Variants in UVRAG observed in about 807,000 individuals in gnomAD.
The protein encoded by UVRAG is UV radiation resistance-associated gene protein.
UVRAG carries 19 observed loss-of-function variants against 78.0 expected under a neutral mutation model. That is an observed-to-expected ratio of 0.24 (90% CI 0.17 to 0.36). The LOEUF (loss-of-function observed/expected upper bound fraction) is 0.36, where lower values mean the gene tolerates loss of function less well. UVRAG is among the 10% of genes least tolerant of loss of function. The pLI, the probability that UVRAG is intolerant of heterozygous loss-of-function variation, is 1.00. For missense variants in UVRAG, 740 were observed against 853.8 expected (o/e 0.87, Z 1.66); for synonymous variants, 323 against 324.6 (o/e 1.00, Z 0.05).
At chr11:75,983,566 TTTC>T (rs757392953) in intron 8 of UVRAG, 53 bp downstream of exon 8, 56 of 1,492,460 alleles carry the variant, frequency 3.8e-5, no homozygotes, top group South Asian at 3.5e-4. Context: ...GTAGTTCTCC[TTTC>T]TTCTTCTTCA....
intron 7 of UVRAG, among the ~76,000 whole-genome samples, chr11:75,967,215 G>A (rs1949040173): frequency 6.6e-6 from 1 of 152,112 alleles, no homozygotes; most frequent in Non-Finnish European, 1.5e-5. Flanking sequence ...TCTATGAGAG[G>A]ACCAGTTTGT....
rs560206437 is a variant in UVRAG at position 75,955,533 on chromosome 11, AAAATTCACACACAGTG to A, written c.594-5906_594-5891del. 5.8e-4 allele frequency among the ~76,000 whole-genome samples: 88 copies of A among 152,312 alleles called. No individual in the cohort carries two copies. The East Asian group carries it at 0.011, about 19-fold the overall frequency. On this transcript the variant is annotated intron_variant, in intron 6 of 14. Coordinates refer to ENST00000356136, the MANE Select transcript of UVRAG (RefSeq NM_003369.4). ...ATGACCACCTTTTAAAAACCGAGGTAAAATTCACACACAGTGAAATGCACAGATCTTAAGTGTAAAA... is the reference window on the plus strand; with the variant it reads ...ATGACCACCTTTTAAAAACCGAGGTAAAATGCACAGATCTTAAGTGTAAAA...
At chr11:75,964,478 A>G (rs1413390343) in intron 7 of UVRAG, among the ~76,000 whole-genome samples, 3 of 152,176 alleles carry the variant, frequency 2.0e-5, no homozygotes, top group Non-Finnish European at 4.4e-5. Context: ...TGTCCATTTC[A>G]TTTAGGAGGT....
At chr11:75,921,612 C>T (rs1162730723) in intron 6 of UVRAG, among the ~76,000 whole-genome samples, 1 of 151,778 alleles carries the variant, frequency 6.6e-6, no homozygotes, top group African/African-American at 2.4e-5. Context: ...TACCTTGCTT[C>T]TATAGATATT....
intron 6 of UVRAG, among the ~76,000 whole-genome samples, chr11:75,933,249 C>T (rs1948281921): frequency 6.6e-6 from 1 of 152,114 alleles, no homozygotes; most frequent in Admixed American, 6.6e-5. Context: ...TAAGAACATA[C>T]ATTGGAGAAA....
intron 6 of UVRAG, among the ~76,000 whole-genome samples, chr11:75,913,025 G>T (rs942539783): frequency 3.3e-5 from 5 of 152,320 alleles, no homozygotes; most frequent in Non-Finnish European, 2.9e-5. Context: ...GAACACACAG[G>T]ATTTAGAAAT....
chr11:76,079,628 C>T (rs1430703404), intron 13 of UVRAG, among the ~76,000 whole-genome samples: 1 of 152,122 alleles, frequency 6.6e-6, no homozygotes, highest in East Asian at 1.9e-4. Flanking sequence ...ACTTATAAAA[C>T]TAATGATAAT....
intron 1 of UVRAG, among the ~76,000 whole-genome samples, chr11:75,839,852 C>CAT (rs547913913): frequency 3.3e-5 from 5 of 149,952 alleles, no homozygotes; most frequent in South Asian, 2.1e-4. Context: ...CACCCCCACA[C>CAT]ATATATATAT....
chr11:76,062,394 T>C (rs960939790), intron 12 of UVRAG, among the ~76,000 whole-genome samples: 78 of 152,240 alleles, frequency 5.1e-4, no homozygotes, highest in Admixed American at 2.3e-3. Context: ...TCTACTTGGC[T>C]GCCTGTAACC....
intron 11 of UVRAG, chr11:76,013,102 G>A (rs1287808924): frequency 6.6e-6 from 1 of 152,034 alleles, no homozygotes; most frequent in East Asian, 1.9e-4. Flanking sequence ...AAGGCAGGAT[G>A]GTAAGAGCTT....
At position 76,028,160 on chromosome 11, in the gene UVRAG, A is replaced by G. The variant is rs148736278; in HGVS notation, c.1226+11180A>G. On this transcript the variant is annotated intron_variant, in intron 12 of 14. Coordinates refer to ENST00000356136, the MANE Select transcript of UVRAG (RefSeq NM_003369.4). Reference sequence around the variant, plus strand: ...TATCTATTGTGGTGACCTATAATCAATGATCTTTCATGTTATTGTTGTAAT... The same window carrying G: ...TATCTATTGTGGTGACCTATAATCAGTGATCTTTCATGTTATTGTTGTAAT... Among the ~76,000 whole-genome samples the G allele has an allele frequency of 5.3e-4, 80 of 152,256 alleles. 1 individual carries two copies. The East Asian group carries it at 0.013, about 24-fold the overall frequency.
At chr11:75,996,693 A>G (rs903613152) in intron 8 of UVRAG, among the ~76,000 whole-genome samples, 9 of 152,142 alleles carry the variant, frequency 5.9e-5, no homozygotes, top group Admixed American at 3.9e-4. Flanking sequence ...AAATGTTAAG[A>G]ATGAAATTCT....
At chr11:75,963,066 C>G (rs902947538) in intron 7 of UVRAG, among the ~76,000 whole-genome samples, 1 of 152,108 alleles carries the variant, frequency 6.6e-6, no homozygotes, top group African/African-American at 2.4e-5. Context: ...TCCCTAATAA[C>G]CCCATTCAAA....
chr11:76,065,600 C>A, intron 12 of UVRAG, 110 bp from the exon 13 acceptor site: 1 of 863,528 alleles, frequency 1.2e-6, no homozygotes, highest in Non-Finnish European at 1.9e-6. Context: ...GTGACTTAGT[C>A]CAATTCAGAT....
At chr11:75,994,939 T>C (rs1042454654) in intron 8 of UVRAG, among the ~76,000 whole-genome samples, 4 of 152,234 alleles carry the variant, frequency 2.6e-5, no homozygotes, top group African/African-American at 9.6e-5. Flanking sequence ...TTTCCAACTT[T>C]GTCCTTAGAC....
At position 76,008,865 on chromosome 11, in the gene UVRAG, A is replaced by G. The variant is rs1949999448; in HGVS notation, c.1058A>G (p.Gln353Arg). 3 of 1,451,196 alleles carry G rather than the reference A, an allele frequency of 2.1e-6. No individual in the cohort carries two copies. Among genetic ancestry groups the G allele is most frequent in the Non-Finnish European group, 1.9e-6 (2 of 1,071,780 alleles). 89.9% of individuals were successfully genotyped at this position (1,451,196 alleles called of 1,614,324 possible). A position where few individuals can be genotyped will look rare whatever the true frequency, so the allele number is the denominator to read the frequency against. The change falls in exon 11 of 15, where the codon CAA (glutamine) becomes CGA (arginine). Residue 353 changes from glutamine to arginine, a missense_variant and splice_region_variant. Coordinates refer to ENST00000356136, the MANE Select transcript of UVRAG (RefSeq NM_003369.4). ...AAGTTGCCTAATTCTGAGGACTTCC[A>G]AGGTATTTTATTTTTTATTTTGAAG... Reference protein sequence around the residue: ...GVKLPNSEDFQAKDDGSIAVA... With the variant: ...GVKLPNSEDFRAKDDGSIAVA...
At chr11:76,093,958 C>T (rs1951746664) in intron 13 of UVRAG, among the ~76,000 whole-genome samples, 1 of 152,120 alleles carries the variant, frequency 6.6e-6, no homozygotes, top group Non-Finnish European at 1.5e-5. Flanking sequence ...AGAATGCTTC[C>T]AGTTTTTGTC....
intron 14 of UVRAG, among the ~76,000 whole-genome samples, chr11:76,132,716 T>G (rs561560479): frequency 6.6e-5 from 10 of 152,300 alleles, no homozygotes; most frequent in African/African-American, 2.4e-4. Context: ...ATGCTTAGAA[T>G]GCCTAACAGT....
intron 8 of UVRAG, among the ~76,000 whole-genome samples, chr11:75,995,084 G>C (rs577125126): frequency 6.6e-6 from 1 of 152,170 alleles, no homozygotes; most frequent in Non-Finnish European, 1.5e-5. Flanking sequence ...TGGTGGAAAT[G>C]ATGGTGATCT....
Sources: allele counts gnomAD v4.1 joint callset (sites outside exome capture counted in the v4.1 genomes callset), GRCh38; gene constraint gnomAD v4.1.1; transcripts MANE v1.5; gene names NCBI Gene and HGNC (gene_info 2026-07-23, HGNC 2026-07-21).